CST7: variants seen among roughly 807,000 people sequenced by gnomAD.
CST7 encodes cystatin-F.
In CST7, 15 loss-of-function variants were observed where a neutral mutation model predicts 13.1. The observed-to-expected ratio is 1.14, with a 90% CI of 0.77 to 1.76. The LOEUF is 1.76. Among genes scored for constraint, CST7 ranks in the 40% most tolerant of loss-of-function variants. The pLI, the probability that CST7 is intolerant of heterozygous loss-of-function variation, is 0.00. For missense variants in CST7, 193 were observed against 178.8 expected, an observed-to-expected ratio of 1.08 and a Z score of -0.45; for synonymous variants, 75 against 66.9, an observed-to-expected ratio of 1.12 and a Z score of -0.59.
rs150356851 is a variant in CST7 at position 24,952,701 on chromosome 20, C to G, written c.70+3126C>G. Among the ~76,000 whole-genome samples, 87 of 152,342 alleles carry G rather than the reference C, an allele frequency of 5.7e-4. No individual in the cohort carries two copies. In the East Asian group the frequency reaches 0.014, roughly 24 times the overall value. On this transcript the variant is annotated intron_variant, in intron 1 of 3. Coordinates refer to ENST00000480798, the MANE Select transcript of CST7 (RefSeq NM_003650.4). ...AAGGGTCTCCCCACCCAGCTCAGTA[C>G]TGGCCCATGGAAAGGGCACCCCCTG...
At chr20:24,952,892 G>A (rs2087828835) in intron 1 of CST7, among the ~76,000 whole-genome samples, 1 of 152,200 alleles carries the variant, frequency 6.6e-6, no homozygotes, top group South Asian at 2.1e-4. Flanking sequence ...CCCCCGCTGT[G>A]CCCACCCATT....
At chr20:24,950,203 C>T (rs2087810994) in intron 1 of CST7, among the ~76,000 whole-genome samples, 1 of 152,190 alleles carries the variant, frequency 6.6e-6, no homozygotes, top group South Asian at 2.1e-4. Flanking sequence ...CTCCCTGGCA[C>T]AGGAATCAGA....
In CST7 at chr20:24,957,283, T is replaced by TCAGATACTTGTTCC; in HGVS notation, c.71_84dup. 6.2e-7 allele frequency: 1 copy of TCAGATACTTGTTCC among 1,611,738 alleles called. No individual in the cohort carries two copies. Among genetic ancestry groups the TCAGATACTTGTTCC allele is most frequent in the African/African-American group, 1.3e-5 (1 of 74,754 alleles). On this transcript the variant is annotated splice_polypyrimidine_tract_variant and splice_region_variant and intron_variant, in intron 1 of 3. Transcript: ENST00000480798. ...GTTCTTGTCTGGCTCTTTGTCTCTT[T>TCAGATACTTGTTCC]CAGATACTTGTTCCCAGGACCTTAA...
At position 24,957,379 on chromosome 20, in the gene CST7, T is replaced by C. The variant is rs1568806299; in HGVS notation, c.163T>C (p.Tyr55His). The C allele has an allele frequency of 6.2e-7, 1 of 1,613,820 alleles. No homozygotes were observed. Among genetic ancestry groups the C allele is most frequent in the East Asian group, 2.2e-5 (1 of 44,874 alleles). The change falls in exon 2 of 4, where the codon TAC (tyrosine) becomes CAC (histidine). Residue 55 changes from tyrosine (Y) to histidine (H), a missense_variant. Transcript: ENST00000480798. ...CCCAGGAGTCCTCCAAGCAGCCAGA[T>C]ACAGTGTTGAAAAGTTCAACAACTG... ...NDPGVLQAAR[Y>H]SVEKFNNCTN... is the part of the protein sequence containing the mutation.
At chr20:24,954,847 T>C (rs1042176059) in intron 1 of CST7, among the ~76,000 whole-genome samples, 10 of 152,204 alleles carry the variant, frequency 6.6e-5, no homozygotes, top group Admixed American at 2.0e-4. Flanking sequence ...AAATACATTT[T>C]ATTTTTTAAA....
intron 1 of CST7, among the ~76,000 whole-genome samples, chr20:24,956,424 C>G (rs1329173213): frequency 6.6e-6 from 1 of 152,210 alleles, no homozygotes; most frequent in Non-Finnish European, 1.5e-5. Context: ...CCATAGCAGG[C>G]ACAAAGACGC....
Position 24,949,570 on chromosome 20 carries a change from C to T in CST7, c.65C>T (p.Ser22Phe). 1.2e-6 allele frequency: 2 copies of T among 1,614,078 alleles called. No homozygotes were observed. Among genetic ancestry groups the T allele is most frequent in the African/African-American group, 2.7e-5 (2 of 75,068 alleles). Reference sequence around the variant, plus strand: ...GTCTTGAGCACCACTGGGGGCCCTTCCCCAGGTAAGTGGCGTTCTCCCCTG... The same window carrying T: ...GTCTTGAGCACCACTGGGGGCCCTTTCCCAGGTAAGTGGCGTTCTCCCCTG... ...CLVLSTTGGP[S>F]PDTCSQDLNS... Residue 22 changes from serine (S) to phenylalanine (F), a missense_variant, in exon 1 of 4, where the codon TCC (serine) becomes TTC (phenylalanine). Transcript: ENST00000480798.
rs11908078 is a variant in CST7, at chr20:24,953,882, G to A, written c.71-3405G>A. ...CGGTCCGTGGGTTCTTTCCGTTGAC[G>A]TCATCGCGGCCATCACCACCATCAC... is the stretch of plus-strand genomic sequence containing the variant. On this transcript the variant is annotated intron_variant, in intron 1 of 3. Transcript: ENST00000480798. 6.1e-3 allele frequency among the ~76,000 whole-genome samples: 931 copies of A among 152,094 alleles called. 15 individuals carry two copies. The highest frequency in any genetic ancestry group is 0.022 in the African/African-American group (906 of 41,386).
chr20:24,957,522 C>A, intron 2 of CST7, 63 bp downstream of exon 2: 1 of 1,510,914 alleles, frequency 6.6e-7, no homozygotes, highest in Non-Finnish European at 9.1e-7. Flanking sequence ...TGCTACAACG[C>A]GACACCTAGG....
At chr20:24,954,319 G>C (rs1185128079) in intron 1 of CST7, among the ~76,000 whole-genome samples, 1 of 147,850 alleles carries the variant, frequency 6.8e-6, no homozygotes, top group Non-Finnish European at 1.5e-5. Flanking sequence ...CAGAGGAGGA[G>C]AGCACCCATT....
chr20:24,952,735 C>T (rs1339102568), intron 1 of CST7, among the ~76,000 whole-genome samples: 1 of 152,230 alleles, frequency 6.6e-6, no homozygotes, highest in Admixed American at 6.5e-5. Context: ...TGAGGTGACA[C>T]AGGGAGGGAC....
intron 2 of CST7, among the ~76,000 whole-genome samples, chr20:24,957,844 C>T (rs2087869715): frequency 6.6e-6 from 1 of 152,174 alleles, no homozygotes; most frequent in South Asian, 2.1e-4. Context: ...GGCCTCACCC[C>T]TCACGTGCCC....
At chr20:24,959,139 C>A in intron 3 of CST7, 95 bp downstream of exon 3, 1 of 1,012,968 alleles carries the variant, frequency 9.9e-7, no homozygotes, top group Non-Finnish European at 1.5e-6. Flanking sequence ...GTCTCTAACG[C>A]AGCGCCCCAA....
intron 1 of CST7, 125 bp downstream of exon 1, chr20:24,949,700 A>G: frequency 7.9e-7 from 1 of 1,273,148 alleles, no homozygotes; most frequent in Non-Finnish European, 1.1e-6. Flanking sequence ...CGGTGGTGAG[A>G]GGTGCTGGGA....
At position 24,953,387 on chromosome 20, in the gene CST7, TG is replaced by T. The variant is rs756959698; in HGVS notation, c.70+3813del. On this transcript the variant is annotated intron_variant, in intron 1 of 3. Coordinates refer to ENST00000480798, the MANE Select transcript of CST7 (RefSeq NM_003650.4). ...GGGAGAGGAAGAAGCTGTATTTTCG[TG>T]ATGATCCTGTTCCTCCGTGGGGGGT... Among the ~76,000 whole-genome samples, 4 of 152,182 alleles carry T rather than the reference TG, an allele frequency of 2.6e-5. No homozygotes were observed. In the East Asian group the frequency reaches 5.8e-4, roughly 22 times the overall value.
rs1408564196 is a variant in CST7 at position 24,959,884 on chromosome 20, C to T, written c.*172C>T. Reference sequence around the variant, plus strand: ...GGCAGCTGGAATGGCAGCATGGTAGCACCTCCTAACAGATTAAATAGATCA... The same window carrying T: ...GGCAGCTGGAATGGCAGCATGGTAGTACCTCCTAACAGATTAAATAGATCA... On this transcript the variant is annotated 3_prime_UTR_variant, in exon 4 of 4. Coordinates refer to ENST00000480798, the MANE Select transcript of CST7 (RefSeq NM_003650.4). The T allele has an allele frequency of 1.6e-6, 1 of 629,294 alleles. No individual in the cohort carries two copies. Among genetic ancestry groups the T allele is most frequent in the Non-Finnish European group, 2.9e-6 (1 of 348,430 alleles). The allele number at this position is 629,294 out of a possible 1,614,324, so 39.0% of individuals were successfully genotyped here.
At chr20:24,951,111 T>A (rs960559229) in intron 1 of CST7, among the ~76,000 whole-genome samples, 2 of 152,118 alleles carry the variant, frequency 1.3e-5, no homozygotes, top group African/African-American at 4.8e-5. Context: ...CTCGCTGGTA[T>A]GTAATGCTGC....
intron 1 of CST7, among the ~76,000 whole-genome samples, chr20:24,953,262 G>A (rs2087831889): frequency 6.6e-6 from 1 of 152,192 alleles, no homozygotes; most frequent in African/African-American, 2.4e-5. Flanking sequence ...ACAAGGAGAT[G>A]GAGGAAACTC....
Position 24,957,411 on chromosome 20 carries a change from C to T in CST7, c.195C>T (p.Asn65=), listed in dbSNP as rs35398652. The T allele has an allele frequency of 4.8e-4, 776 of 1,613,736 alleles. 1 individual carries two copies. In the African/African-American group the frequency reaches 9.3e-3, roughly 19 times the overall value. Reference sequence around the variant, plus strand: ...TTGAAAAGTTCAACAACTGCACGAACGACATGTTCTTGTTCAAGGAGTCCC... The same window carrying T: ...TTGAAAAGTTCAACAACTGCACGAATGACATGTTCTTGTTCAAGGAGTCCC... ...YSVEKFNNCT[N]DMFLFKESRI... is the part of the protein sequence containing the mutation. The change falls in exon 2 of 4, where the codon AAC becomes AAT. Residue 65 remains asparagine (N), a synonymous_variant. Coordinates refer to ENST00000480798, the MANE Select transcript of CST7 (RefSeq NM_003650.4).
Sources: gnomAD v4.1 joint callset for allele counts (sites outside exome capture counted in the v4.1 genomes callset) on GRCh38, gnomAD v4.1.1 for gene constraint, MANE v1.5 for transcripts, NCBI Gene and HGNC (gene_info 2026-07-23, HGNC 2026-07-21) for gene names.